PTPRN2: variants seen among roughly 807,000 people sequenced by gnomAD.
PTPRN2 encodes the protein protein tyrosine phosphatase receptor type N2.
In PTPRN2, 74 loss-of-function variants were observed where a neutral mutation model predicts 118.8. The observed-to-expected ratio is 0.62, with a 90% CI of 0.52 to 0.76. The LOEUF (loss-of-function observed/expected upper bound fraction) is 0.76, where lower values mean the gene tolerates loss of function less well. Ranked by LOEUF, PTPRN2 falls within the 30% of genes least tolerant of loss-of-function variation. The pLI is 0.00. For synonymous variants in PTPRN2, 641 were observed against 608.0 expected (o/e 1.05, Z -0.80); for missense variants, 1,481 against 1,394.4 (o/e 1.06, Z -0.99).
intron 12 of PTPRN2, among the ~76,000 whole-genome samples, chr7:157,754,418 T>C (rs1801664360): frequency 6.6e-6 from 1 of 152,234 alleles, no homozygotes; most frequent in Admixed American, 6.5e-5. Context: ...GTCCAAGCAC[T>C]GAGTTCTAGA....
intron 11 of PTPRN2, among the ~76,000 whole-genome samples, chr7:157,989,345 G>A (rs1364266495): frequency 1.3e-5 from 2 of 152,206 alleles, no homozygotes; most frequent in Admixed American, 6.5e-5. Context: ...CCTGAGCCCA[G>A]GAGGTCTAAG....
intron 1 of PTPRN2, among the ~76,000 whole-genome samples, chr7:158,536,319 T>A (rs190981992): frequency 1.1e-4 from 17 of 152,308 alleles, no homozygotes; most frequent in African/African-American, 3.8e-4. Flanking sequence ...GATGATGTTT[T>A]CAAGAAAATA....
At chr7:158,257,188 G>T (rs1355066883) in intron 3 of PTPRN2, among the ~76,000 whole-genome samples, 5 of 152,198 alleles carry the variant, frequency 3.3e-5, no homozygotes, top group Admixed American at 6.5e-5. Flanking sequence ...GGCGGGGTTT[G>T]CCCTGGACCA....
At chr7:158,135,600 G>T (rs1818738360) in intron 8 of PTPRN2, among the ~76,000 whole-genome samples, 1 of 152,290 alleles carries the variant, frequency 6.6e-6, no homozygotes, top group Admixed American at 6.5e-5. Context: ...AAAAGTCAGG[G>T]AGTCTTAGGC....
intron 10 of PTPRN2, among the ~76,000 whole-genome samples, chr7:158,110,152 C>T (rs1816106496): frequency 6.6e-6 from 1 of 152,232 alleles, no homozygotes; most frequent in Non-Finnish European, 1.5e-5. Flanking sequence ...GTCACTCTAC[C>T]CTCCCTCTTC....
chr7:158,452,037 G>A (rs937889852), intron 2 of PTPRN2, among the ~76,000 whole-genome samples: 7 of 152,030 alleles, frequency 4.6e-5, no homozygotes, highest in African/African-American at 7.2e-5. Flanking sequence ...TTTCCCCACC[G>A]ATTTAAAATG....
intron 11 of PTPRN2, among the ~76,000 whole-genome samples, chr7:157,969,947 G>A (rs1456269264): frequency 6.6e-6 from 1 of 152,060 alleles, no homozygotes; most frequent in Non-Finnish European, 1.5e-5. Context: ...TGAGGCCAAC[G>A]GGATCCCTGA....
At chr7:157,707,718 A>ATTGGGATTACAG (rs1798405575) in intron 12 of PTPRN2, among the ~76,000 whole-genome samples, 1 of 151,902 alleles carries the variant, frequency 6.6e-6, no homozygotes, top group South Asian at 2.1e-4. Flanking sequence ...CATAATCCCA[A>ATTGGGATTACAG]TTGGGATTAC....
chr7:158,409,020 A>T (rs1056039076), intron 2 of PTPRN2, among the ~76,000 whole-genome samples: 1 of 151,882 alleles, frequency 6.6e-6, no homozygotes, highest in Admixed American at 6.6e-5. Context: ...AAATCAAAAG[A>T]TCATCCTCCC....
intron 12 of PTPRN2, among the ~76,000 whole-genome samples, chr7:157,846,644 T>C (rs928901061): frequency 6.6e-6 from 1 of 151,972 alleles, no homozygotes; most frequent in African/African-American, 2.4e-5. Flanking sequence ...GTCTGATGTT[T>C]ACAGAGACCT....
In PTPRN2 at chr7:157,622,221, T is replaced by A. The variant is rs911110231; in HGVS notation, c.2197-712A>T. ...TTCAAAGGACCAAACCCAGCTGCAC[T>A]ATGGCACCACAGGAAGTGACGGCCT... is the stretch of plus-strand genomic sequence containing the variant. On this transcript the variant is annotated intron_variant, in intron 14 of 22. Coordinates refer to ENST00000389418, the MANE Select transcript of PTPRN2 (RefSeq NM_002847.5). This position sits in a 1 kb window ranked among gnomAD's most constrained non-coding sequence, Gnocchi z 5.3. Among the ~76,000 whole-genome samples, 1 of 151,924 alleles carries A rather than the reference T, an allele frequency of 6.6e-6. No individual in the cohort carries two copies. The highest frequency in any genetic ancestry group is 1.5e-5 in the Non-Finnish European group (1 of 67,984).
intron 13 of PTPRN2, among the ~76,000 whole-genome samples, chr7:157,678,571 C>G (rs768534853): frequency 6.6e-6 from 1 of 152,180 alleles, no homozygotes; most frequent in African/African-American, 2.4e-5. Context: ...ACCCTCAGAT[C>G]GCAGCAATTG....
chr7:158,202,180 A>T (rs1826693812), intron 4 of PTPRN2, among the ~76,000 whole-genome samples: 1 of 152,252 alleles, frequency 6.6e-6, no homozygotes, highest in Non-Finnish European at 1.5e-5. Flanking sequence ...TTCCTAAAAA[A>T]TATACTAGAA....
At chr7:157,901,929 G>A (rs1469906671) in intron 11 of PTPRN2, among the ~76,000 whole-genome samples, 4 of 137,322 alleles carry the variant, frequency 2.9e-5, no homozygotes, top group South Asian at 2.1e-4. Context: ...GGGCCTTCCC[G>A]TCCGTGTTTC....
At chr7:158,584,792 C>T (rs577414491) in intron 1 of PTPRN2, among the ~76,000 whole-genome samples, 1 of 152,180 alleles carries the variant, frequency 6.6e-6, no homozygotes, top group Non-Finnish European at 1.5e-5. Context: ...CAGTTATCGA[C>T]CCTGGGTTTC....
chr7:158,133,075 CGTTAA>C (rs1347617500), intron 9 of PTPRN2, among the ~76,000 whole-genome samples: 1 of 152,218 alleles, frequency 6.6e-6, no homozygotes, highest in Non-Finnish European at 1.5e-5. Context: ...TTCTGAGACT[CGTTAA>C]GTTCAGATCG....
chr7:158,586,989 G>A lies in PTPRN2; in HGVS notation c.112+569C>T, dbSNP rs918512579. ...AAACTGAGGCAGGGGCGCGAGACCT[G>A]CTCCGAGCCCCCAGTGAGGACAGAG... is the stretch of plus-strand genomic sequence containing the variant. On this transcript the variant is annotated intron_variant, in intron 1 of 22. Transcript: ENST00000389418. Among the ~76,000 whole-genome samples, 12 of 152,202 alleles carry A rather than the reference G, an allele frequency of 7.9e-5. No individual in the cohort carries two copies. The East Asian group carries it at 2.1e-3, about 27-fold the overall frequency.
intron 3 of PTPRN2, among the ~76,000 whole-genome samples, chr7:158,292,243 G>A (rs979492562): frequency 6.6e-6 from 1 of 152,140 alleles, no homozygotes; most frequent in Non-Finnish European, 1.5e-5. Flanking sequence ...GTTCTTCCTT[G>A]TCTGAAATGA....
At chr7:158,179,678 G>A (rs1017296769) in intron 5 of PTPRN2, among the ~76,000 whole-genome samples, 3 of 152,158 alleles carry the variant, frequency 2.0e-5, no homozygotes, top group African/African-American at 7.2e-5. Flanking sequence ...AAGAGATAAT[G>A]AGGTAGGAGG....
Sources: allele counts gnomAD v4.1 joint callset (sites outside exome capture counted in the v4.1 genomes callset), GRCh38; gene constraint gnomAD v4.1.1; non-coding constraint Gnocchi (gnomAD v3.1); transcripts MANE v1.5; gene names NCBI Gene and HGNC (gene_info 2026-07-23, HGNC 2026-07-21).